The following ARCN1 variants were observed in gnomAD, a reference collection of about 807,000 sequenced individuals.
ARCN1 encodes the protein coatomer subunit delta.
Under a neutral mutation model 60.4 loss-of-function variants are expected in ARCN1, and 5 were observed. That is an observed-to-expected ratio of 0.08 (90% CI 0.04 to 0.17). The LOEUF (loss-of-function observed/expected upper bound fraction) is 0.17, where lower values mean the gene tolerates loss of function less well. Among genes scored for constraint, ARCN1 ranks in the 10% least tolerant of loss-of-function variants. The probability of loss-of-function intolerance (pLI) is 1.00; values close to 1 mark genes in which losing one functional copy is unlikely to be tolerated. For synonymous variants in ARCN1, 224 were observed against 220.0 expected, an observed-to-expected ratio of 1.02 and a Z score of -0.16; for missense variants, 464 against 626.5, an observed-to-expected ratio of 0.74 and a Z score of 2.77.
Position 118,581,228 on chromosome 11 carries a change from T to C in ARCN1, c.4-18T>C, listed in dbSNP as rs782495814. ...TGAAGAAATAATTAGTACTTACTTA[T>C]GCATATGTTCCTGGCAGGTGCTGTT... On this transcript the variant is annotated intron_variant, in intron 1 of 9. Transcript: ENST00000264028. 15 of 1,613,424 alleles carry C rather than the reference T, an allele frequency of 9.3e-6. No homozygotes were observed. The highest frequency in any genetic ancestry group is 1.2e-5 in the Non-Finnish European group (14 of 1,179,324).
At position 118,600,643 on chromosome 11, in the gene ARCN1, G is replaced by C; in HGVS notation, c.1465G>C (p.Val489Leu). The change falls in exon 10 of 10, where the codon GTA becomes CTA. Residue 489 changes from valine (V) to leucine (L), a missense_variant. Physicochemically the swap from Val to Leu is conservative, Grantham distance 32 (BLOSUM62 1). Transcript: ENST00000264028. ...CNIQVTKVTQ[V>L]DGNSPVRFST... The stretch of plus-strand genomic sequence containing the variant: ...TTCCTAGGTTACCAAAGTGACCCAG[G>C]TAGATGGAAACAGCCCCGTCAGGTT... 6.2e-7 allele frequency: 1 copy of C among 1,611,972 alleles called. No individual in the cohort carries two copies. The highest frequency in any genetic ancestry group is 1.1e-5 in the South Asian group (1 of 90,752).
At position 118,601,434 on chromosome 11, in the gene ARCN1, G is replaced by A; in HGVS notation, c.*720G>A. On this transcript the variant is annotated 3_prime_UTR_variant, in exon 10 of 10. Coordinates refer to ENST00000264028, the MANE Select transcript of ARCN1 (RefSeq NM_001655.5). ...TTCATACTTAGTTTGTTTTTAAAAA[G>A]TTTTCTCTGTAGAAAATTTTAATCA... 1.7e-6 allele frequency: 1 copy of A among 603,872 alleles called. No individual in the cohort carries two copies. Among genetic ancestry groups the A allele is most frequent in the Non-Finnish European group, 2.9e-6 (1 of 342,282 alleles). 37.4% of individuals were successfully genotyped at this position (603,872 alleles called of 1,614,324 possible).
At chr11:118,593,523 G>A in intron 7 of ARCN1, 67 bp from the exon 8 acceptor site, 3 of 1,118,530 alleles carry the variant, frequency 2.7e-6, no homozygotes, top group Non-Finnish European at 4.0e-6. Context: ...GGGGTTACAG[G>A]CATGAGCCAC....
chr11:118,587,329 A>C (rs1938801237), intron 5 of ARCN1, among the ~76,000 whole-genome samples: 2 of 152,284 alleles, frequency 1.3e-5, no homozygotes, highest in South Asian at 4.1e-4. Context: ...TATCCTTCTA[A>C]GGGGGATGGT....
rs80265526 is a variant in ARCN1, at chr11:118,592,655, G to A, written c.985-54G>A. On this transcript the variant is annotated intron_variant, in intron 6 of 9. Coordinates refer to ENST00000264028, the MANE Select transcript of ARCN1 (RefSeq NM_001655.5). ...TGTGGGCCATATAAGCCTAGTGAGG[G>A]GTTGTTTCTCGTCTATCTGAACCTC... 2.5e-3 allele frequency: 3,685 copies of A among 1,472,576 alleles called. 63 individuals are homozygous for A. The Admixed American group carries it at 0.031, about 13-fold the overall frequency. 91.2% of individuals were successfully genotyped at this position (1,472,576 alleles called of 1,614,324 possible).
At chr11:118,591,778 G>A (rs1306348280) in intron 6 of ARCN1, among the ~76,000 whole-genome samples, 5 of 148,788 alleles carry the variant, frequency 3.4e-5, no homozygotes, top group African/African-American at 1.2e-4. Flanking sequence ...TCTGTCATGC[G>A]GGCTGGAGTG....
chr11:118,578,443 C>T (rs1938574027), intron 1 of ARCN1, among the ~76,000 whole-genome samples: 1 of 152,024 alleles, frequency 6.6e-6, no homozygotes, highest in South Asian at 2.1e-4. Flanking sequence ...TCTGAGCTGT[C>T]CTTTCTTTAG....
intron 1 of ARCN1, among the ~76,000 whole-genome samples, chr11:118,575,226 C>T (rs575355359): frequency 1.3e-5 from 2 of 152,326 alleles, no homozygotes; most frequent in South Asian, 2.1e-4. Flanking sequence ...GATCTGCCCG[C>T]CTCGGCCTCC....
intron 1 of ARCN1, 60 bp from the exon 2 acceptor site, chr11:118,581,186 T>A (rs11216911): frequency 1.3e-6 from 2 of 1,585,274 alleles, no homozygotes; most frequent in African/African-American, 1.4e-5. Context: ...TTTCCTGAGA[T>A]GCTGAGAAAA....
rs1178950228 is a variant in ARCN1 at position 118,601,591 on chromosome 11, A to G, written c.*877A>G. ...CTAACCCATTCTTGATTTTTGGACT[A>G]TTCAGGTGAACTATTTGAGGGGTAT... On this transcript the variant is annotated 3_prime_UTR_variant, in exon 10 of 10. Transcript: ENST00000264028. 8.5e-6 allele frequency: 6 copies of G among 701,838 alleles called. No homozygotes were observed. Among genetic ancestry groups the G allele is most frequent in the Non-Finnish European group, 1.3e-5 (5 of 384,424 alleles). The allele number at this position is 701,838 out of a possible 1,614,324, so 43.5% of individuals were successfully genotyped here.
chr11:118,592,656 G>A, intron 6 of ARCN1, 53 bp from the exon 7 acceptor site: 1 of 1,496,422 alleles, frequency 6.7e-7, no homozygotes, highest in Non-Finnish European at 9.2e-7. Context: ...CTAGTGAGGG[G>A]TTGTTTCTCG....
At chr11:118,588,737 G>T (rs1938829898) in intron 5 of ARCN1, among the ~76,000 whole-genome samples, 1 of 149,858 alleles carries the variant, frequency 6.7e-6, no homozygotes, top group Non-Finnish European at 1.5e-5. Context: ...ACAACAACAG[G>T]CTGGGTGCGG....
intron 7 of ARCN1, 115 bp from the exon 8 acceptor site, chr11:118,593,475 C>T (rs1054879625): frequency 4.8e-6 from 3 of 622,492 alleles, no homozygotes; most frequent in East Asian, 6.0e-5. Flanking sequence ...AACCAATCCT[C>T]CCACCTCGAT....
At chr11:118,599,451 C>CG (rs1565367425) in intron 9 of ARCN1, among the ~76,000 whole-genome samples, 3 of 151,610 alleles carry the variant, frequency 2.0e-5, no homozygotes, top group Admixed American at 2.0e-4. Context: ...TGTTTTGAGA[C>CG]GGAGTCTTGC....
Position 118,602,033 on chromosome 11 carries a change from G to A in ARCN1, c.*1319G>A. 3.0e-6 allele frequency: 1 copy of A among 333,738 alleles called. No individual in the cohort carries two copies. Among genetic ancestry groups the A allele is most frequent in the South Asian group, 5.5e-5 (1 of 18,184 alleles). 20.7% of individuals were successfully genotyped at this position (333,738 alleles called of 1,614,324 possible). ...GTCCCCTCCTTTCTAACAGAAATGG[G>A]GTTATGATTTTGAAGGCTGTGGGTT... On this transcript the variant is annotated 3_prime_UTR_variant, in exon 10 of 10. Coordinates refer to ENST00000264028, the MANE Select transcript of ARCN1 (RefSeq NM_001655.5).
At chr11:118,582,102 G>T (rs1052088456) in intron 2 of ARCN1, among the ~76,000 whole-genome samples, 2 of 152,038 alleles carry the variant, frequency 1.3e-5, no homozygotes, top group Non-Finnish European at 2.9e-5. Context: ...AAGTGCACAG[G>T]CATTATACTT....
intron 7 of ARCN1, 113 bp from the exon 8 acceptor site, chr11:118,593,477 C>T: frequency 3.1e-6 from 2 of 645,876 alleles, no homozygotes; most frequent in South Asian, 3.6e-5. Flanking sequence ...CCAATCCTCC[C>T]ACCTCGATCC....
At chr11:118,592,897 G>T in intron 7 of ARCN1, 41 bp downstream of exon 7, 1 of 1,573,394 alleles carries the variant, frequency 6.4e-7, no homozygotes, top group South Asian at 1.2e-5. Flanking sequence ...AGTTTGCATT[G>T]AGAACTAGAA....
intron 8 of ARCN1, among the ~76,000 whole-genome samples, chr11:118,596,932 G>A (rs947252035): frequency 2.0e-5 from 3 of 152,160 alleles, no homozygotes; most frequent in Non-Finnish European, 4.4e-5. Context: ...ATTCTCGGCC[G>A]GGTGCGGTGG....
Sources: allele counts gnomAD v4.1 joint callset (sites outside exome capture counted in the v4.1 genomes callset), GRCh38; gene constraint gnomAD v4.1.1; transcripts MANE v1.5; gene names NCBI Gene and HGNC (gene_info 2026-07-23, HGNC 2026-07-21).